EPHA6: variants seen among roughly 807,000 people sequenced by gnomAD.
The protein encoded by EPHA6 is ephrin type-A receptor 6.
EPHA6 carries 50 observed loss-of-function variants against 112.0 expected under a neutral mutation model. The ratio of observed to expected loss-of-function variants is 0.45; its 90% CI spans 0.36 to 0.56. The LOEUF (loss-of-function observed/expected upper bound fraction) is 0.56. EPHA6 is among the 20% of genes least tolerant of loss of function. EPHA6 has a pLI of 0.00. For missense variants in EPHA6, 1,280 were observed against 1,417.4 expected, an observed-to-expected ratio of 0.90 and a Z score of 1.56; for synonymous variants, 529 against 490.7, an observed-to-expected ratio of 1.08 and a Z score of -1.03.
At chr3:97,090,764 C>T (rs2047039361) in intron 3 of EPHA6, among the ~76,000 whole-genome samples, 1 of 152,030 alleles carries the variant, frequency 6.6e-6, no homozygotes, top group Non-Finnish European at 1.5e-5. Flanking sequence ...ATAATGGACT[C>T]ATTGGCTGAC....
At chr3:97,363,156 C>A (rs2084468849) in intron 5 of EPHA6, among the ~76,000 whole-genome samples, 1 of 100,634 alleles carries the variant, frequency 9.9e-6, no homozygotes, top group Non-Finnish European at 2.0e-5. Context: ...CATAATTATG[C>A]CACATTGCCC....
rs79163158 is a variant in EPHA6 at position 97,758,684 on chromosome 3, G to A, written c.*9983G>A. Among the ~76,000 whole-genome samples, 3,083 of 151,990 alleles carry A rather than the reference G, an allele frequency of 0.02. 79 individuals are homozygous for A. The highest frequency in any genetic ancestry group is 0.068 in the African/African-American group (2,816 of 41,492). On this transcript the variant is annotated 3_prime_UTR_variant, in exon 18 of 18. Transcript: ENST00000389672. ...TAGCATGACTGTGGCTCCTTTAAGCGGTAGAGGAAATCTTCCCCCAAGGAC... is the reference window on the plus strand; with the variant it reads ...TAGCATGACTGTGGCTCCTTTAAGCAGTAGAGGAAATCTTCCCCCAAGGAC...
chr3:97,136,690 G>A (rs922748152), intron 3 of EPHA6, among the ~76,000 whole-genome samples: 1 of 152,200 alleles, frequency 6.6e-6, no homozygotes, highest in African/African-American at 2.4e-5. Context: ...GATTACTGTC[G>A]ACAGAAAACT....
chr3:96,932,201 T>C (rs2040360078), intron 2 of EPHA6, among the ~76,000 whole-genome samples: 2 of 152,284 alleles, frequency 1.3e-5, no homozygotes, highest in South Asian at 4.1e-4. Flanking sequence ...TCAGTCCCAA[T>C]GTGAGAACCT....
chr3:97,038,292 A>G (rs1464740949), intron 3 of EPHA6, among the ~76,000 whole-genome samples: 1 of 151,556 alleles, frequency 6.6e-6, no homozygotes, highest in Non-Finnish European at 1.5e-5. Flanking sequence ...AGATTAATCA[A>G]TCCCTCTTCA....
intron 11 of EPHA6, among the ~76,000 whole-genome samples, chr3:97,570,598 C>A (rs915281876): frequency 3.9e-5 from 6 of 151,956 alleles, no homozygotes; most frequent in Non-Finnish European, 5.9e-5. Context: ...GGCATGGTGG[C>A]AGGCACCTGT....
chr3:96,983,824 CT>C (rs1476847866), intron 2 of EPHA6, among the ~76,000 whole-genome samples: 1 of 152,136 alleles, frequency 6.6e-6, no homozygotes, highest in African/African-American at 2.4e-5. Context: ...CACTGATACC[CT>C]TTTTTCCAGT....
intron 2 of EPHA6, among the ~76,000 whole-genome samples, chr3:96,946,317 T>TC (rs372585298): frequency 0.046 from 6,999 of 151,082 alleles, 482 homozygotes; most frequent in African/African-American, 0.15. Context: ...ATGCTATCCC[T>TC]CCCCCCCTTC....
chr3:97,694,380 G>A (rs569550929), intron 14 of EPHA6, among the ~76,000 whole-genome samples: 2 of 152,164 alleles, frequency 1.3e-5, no homozygotes, highest in South Asian at 4.2e-4. Flanking sequence ...GAGATTACAG[G>A]CACCAGCCAC....
chr3:97,228,181 C>A (rs1341372101), intron 4 of EPHA6, among the ~76,000 whole-genome samples: 1 of 151,996 alleles, frequency 6.6e-6, no homozygotes, highest in Non-Finnish European at 1.5e-5. Flanking sequence ...ATTTTTATAA[C>A]AATAGTTTTT....
intron 2 of EPHA6, among the ~76,000 whole-genome samples, chr3:96,868,981 G>C (rs2036484438): frequency 6.6e-6 from 1 of 151,938 alleles, no homozygotes; most frequent in Non-Finnish European, 1.5e-5. Flanking sequence ...ATCTCTGGTG[G>C]TTAGTAATTA....
chr3:97,087,575 G>A (rs980889031), intron 3 of EPHA6, among the ~76,000 whole-genome samples: 1 of 152,100 alleles, frequency 6.6e-6, no homozygotes, highest in African/African-American at 2.4e-5. Context: ...TTAGAAAATG[G>A]AAAATACAAA....
chr3:97,324,019 C>T (rs552180031), intron 5 of EPHA6, among the ~76,000 whole-genome samples: 3 of 151,900 alleles, frequency 2.0e-5, no homozygotes, highest in East Asian at 3.9e-4. Flanking sequence ...ACTGAGTGAC[C>T]GTCCATAGCA....
intron 14 of EPHA6, among the ~76,000 whole-genome samples, chr3:97,699,635 G>C (rs368143978): frequency 6.6e-6 from 1 of 152,070 alleles, no homozygotes; most frequent in Admixed American, 6.6e-5. Flanking sequence ...ACACAATAAC[G>C]GGAATCTGAT....
At chr3:97,137,726 G>A (rs923134305) in intron 3 of EPHA6, among the ~76,000 whole-genome samples, 1 of 151,990 alleles carries the variant, frequency 6.6e-6, no homozygotes, top group African/African-American at 2.4e-5. Context: ...CTAGACATTG[G>A]TTTTACCAAC....
At chr3:97,410,216 A>G (rs897483386) in intron 6 of EPHA6, among the ~76,000 whole-genome samples, 1 of 152,054 alleles carries the variant, frequency 6.6e-6, no homozygotes, top group Non-Finnish European at 1.5e-5. Flanking sequence ...TTCTCAATAT[A>G]GTTTTTCCAC....
chr3:97,379,370 A>C lies in EPHA6; in HGVS notation c.1607-25780A>C, dbSNP rs141327443. ...ATGCTTCAGAACTAGGAGAAATAAC[A>C]TATACATAATTGAAGCAGTTCAAAC... On this transcript the variant is annotated intron_variant, in intron 5 of 17. Transcript: ENST00000389672. Among the ~76,000 whole-genome samples, 553 of 152,280 alleles carry C rather than the reference A, an allele frequency of 3.6e-3. 2 individuals are homozygous for C. The highest frequency in any genetic ancestry group is 0.012 in the African/African-American group (516 of 41,536).
intron 6 of EPHA6, among the ~76,000 whole-genome samples, chr3:97,429,824 G>C (rs776030613): frequency 6.6e-6 from 1 of 152,290 alleles, no homozygotes; most frequent in East Asian, 1.9e-4. Context: ...ATTTTCATGT[G>C]TTTGCAGACT....
At chr3:97,134,648 G>A (rs1036184482) in intron 3 of EPHA6, among the ~76,000 whole-genome samples, 3 of 152,084 alleles carry the variant, frequency 2.0e-5, no homozygotes, top group Admixed American at 6.6e-5. Flanking sequence ...AAAGATGGAA[G>A]AAGCAGTAAC....
Sources: gnomAD v4.1 joint callset for allele counts (sites outside exome capture counted in the v4.1 genomes callset) on GRCh38, gnomAD v4.1.1 for gene constraint, MANE v1.5 for transcripts, NCBI Gene and HGNC (gene_info 2026-07-23, HGNC 2026-07-21) for gene names.